SLC6A2: variants seen among roughly 807,000 people sequenced by gnomAD.
SLC6A2 encodes solute carrier family 6 member 2.
SLC6A2 carries 26 observed loss-of-function variants against 71.7 expected under a neutral mutation model. The ratio of observed to expected loss-of-function variants is 0.36; its 90% CI spans 0.27 to 0.50. SLC6A2 has a LOEUF of 0.50. SLC6A2 is among the 20% of genes least tolerant of loss of function. The probability of loss-of-function intolerance (pLI) is 0.96; values close to 1 mark genes in which losing one functional copy is unlikely to be tolerated. For synonymous variants in SLC6A2, 363 were observed against 337.9 expected (o/e 1.07, Z -0.82); for missense variants, 581 against 803.9 (o/e 0.72, Z 3.35).
In SLC6A2 at chr16:55,656,562, T is replaced by C. The variant is rs1482503796; in HGVS notation, c.-51-82T>C. On this transcript the variant is annotated intron_variant, in intron 1 of 14. Coordinates refer to ENST00000568943, the MANE Select transcript of SLC6A2 (RefSeq NM_001172501.3). This position sits in a 1 kb window ranked among gnomAD's most constrained non-coding sequence, Gnocchi z 4.5. ...CTCAGCGCGCGCTCATCCCAGTGTC[T>C]AAGGCGCTCCCGGGTGGTCTTGGGA... 1.7e-6 allele frequency: 2 copies of C among 1,159,292 alleles called. No homozygotes were observed. The highest frequency in any genetic ancestry group is 3.4e-5 in the Admixed American group (2 of 58,984). The allele number at this position is 1,159,292 out of a possible 1,614,324, so 71.8% of individuals were successfully genotyped here.
chr16:55,665,003 G>A (rs1367033637), intron 2 of SLC6A2, among the ~76,000 whole-genome samples: 1 of 152,178 alleles, frequency 6.6e-6, no homozygotes, highest in Non-Finnish European at 1.5e-5. Flanking sequence ...CCTCTTTTGT[G>A]GTGTGGGCTG....
intron 2 of SLC6A2, among the ~76,000 whole-genome samples, chr16:55,665,200 A>G (rs2142497565): frequency 6.6e-6 from 1 of 152,374 alleles, no homozygotes; most frequent in Non-Finnish European, 1.5e-5. Flanking sequence ...ACTTTATAAT[A>G]GAACTACTAC....
chr16:55,691,877 G>T (rs1965640743), intron 5 of SLC6A2, 41 bp from the exon 6 acceptor site: 1 of 1,612,720 alleles, frequency 6.2e-7, no homozygotes, highest in Non-Finnish European at 8.5e-7. Flanking sequence ...ACGGGATTGG[G>T]GCCAGAGCGA....
In SLC6A2 at chr16:55,672,108, G is replaced by A; in HGVS notation, c.577G>A (p.Gly193Ser). 1 of 1,614,154 alleles carries A rather than the reference G, an allele frequency of 6.2e-7. No homozygotes were observed. The highest frequency in any genetic ancestry group is 1.3e-5 in the African/African-American group (1 of 75,030). ...CTGTACCGACCCCAAGCTCCTCAAT[G>A]GCTCCGTGCTTGGCAACCACACCAA... ...PNCTDPKLLN[G>S]SVLGNHTKYS... Residue 193 changes from glycine to serine, a missense_variant, in exon 4 of 15, where the codon GGC (glycine) becomes AGC (serine). This residue lies in a region of SLC6A2 where 87 missense variants were observed against 99.5 expected (regional missense o/e 0.87). Transcript: ENST00000568943.
At chr16:55,690,030 C>T (rs11862589) in intron 5 of SLC6A2, among the ~76,000 whole-genome samples, 72,153 of 152,018 alleles carry the variant, frequency 0.47, 17,334 homozygotes, top group East Asian at 0.7. Flanking sequence ...ACTAACTTTC[C>T]GATTTATCAC....
At chr16:55,661,923 CT>C (rs1964621031) in intron 2 of SLC6A2, among the ~76,000 whole-genome samples, 1 of 152,220 alleles carries the variant, frequency 6.6e-6, no homozygotes, top group African/African-American at 2.4e-5. Flanking sequence ...GCAGTAGCTG[CT>C]ACAGAGGTCA....
intron 4 of SLC6A2, among the ~76,000 whole-genome samples, chr16:55,681,373 G>C (rs1017347147): frequency 6.6e-6 from 1 of 152,184 alleles, no homozygotes; most frequent in African/African-American, 2.4e-5. Context: ...CCAGCCCCCG[G>C]CACACTGCCT....
In SLC6A2 at chr16:55,674,338, AC is replaced by A. The variant is rs567128053; in HGVS notation, c.644+2164del. Reference sequence around the variant, plus strand: ...TTACTTAGGATAATGGCCTCCAGCTACATCCATGTCCCTGCAAAGGACATGA... The same window carrying A: ...TTACTTAGGATAATGGCCTCCAGCTAATCCATGTCCCTGCAAAGGACATGA... On this transcript the variant is annotated intron_variant, in intron 4 of 14. Coordinates refer to ENST00000568943, the MANE Select transcript of SLC6A2 (RefSeq NM_001172501.3). Among the ~76,000 whole-genome samples, 312 of 152,268 alleles carry A rather than the reference AC, an allele frequency of 2.0e-3. 1 individual carries two copies. The highest frequency in any genetic ancestry group is 7.3e-3 in the African/African-American group (305 of 41,552).
chr16:55,696,045 G>T (rs889916727), intron 8 of SLC6A2, among the ~76,000 whole-genome samples, 180 bp from the exon 9 acceptor site: 2 of 152,200 alleles, frequency 1.3e-5, no homozygotes, highest in Non-Finnish European at 2.9e-5. Context: ...GCTGTTGGGG[G>T]TCAACCTCTC....
Position 55,705,124 on chromosome 16 carries a change from TC to T in SLC6A2, c.*2779del. On this transcript the variant is annotated 3_prime_UTR_variant, in exon 15 of 15. Coordinates refer to ENST00000568943, the MANE Select transcript of SLC6A2 (RefSeq NM_001172501.3). Reference sequence around the variant, plus strand: ...CAGGTTTTTAAAGAATTATTATTTTTCATGAAATGTAAAATATCAGTTTGAG... The same window carrying T: ...CAGGTTTTTAAAGAATTATTATTTTTATGAAATGTAAAATATCAGTTTGAG... The T allele has an allele frequency of 1.0e-6, 1 of 997,990 alleles. No homozygotes were observed. Among genetic ancestry groups the T allele is most frequent in the Non-Finnish European group, 1.5e-6 (1 of 659,598 alleles). 61.8% of individuals were successfully genotyped at this position (997,990 alleles called of 1,614,324 possible).
Position 55,692,155 on chromosome 16 carries a change from A to G in SLC6A2, c.918+103A>G, listed in dbSNP as rs1400224974. The stretch of plus-strand genomic sequence containing the variant: ...GGTCCCAGCTCTGCCACAAATGTGC[A>G]GTGTAGCCTTGGACAGGATCCTTCC... On this transcript the variant is annotated intron_variant, in intron 6 of 14. Transcript: ENST00000568943. 7 of 1,349,670 alleles carry G rather than the reference A, an allele frequency of 5.2e-6. No individual in the cohort carries two copies. The African/African-American group carries it at 1.0e-4, about 19-fold the overall frequency. The allele number at this position is 1,349,670 out of a possible 1,614,324, so 83.6% of individuals were successfully genotyped here.
chr16:55,675,095 T>C (rs554272345), intron 4 of SLC6A2, among the ~76,000 whole-genome samples: 34 of 152,334 alleles, frequency 2.2e-4, no homozygotes, highest in Non-Finnish European at 3.8e-4. Flanking sequence ...GTGGCTTCCC[T>C]GAATCCTCTC....
intron 6 of SLC6A2, among the ~76,000 whole-genome samples, chr16:55,693,743 G>A (rs1012272615): frequency 1.3e-5 from 2 of 152,128 alleles, no homozygotes; most frequent in African/African-American, 2.4e-5. Context: ...TGAAAATCAG[G>A]GCATGAAATT....
intron 4 of SLC6A2, among the ~76,000 whole-genome samples, chr16:55,674,518 A>G (rs1965022429): frequency 6.6e-6 from 1 of 151,452 alleles, no homozygotes; most frequent in African/African-American, 2.4e-5. Flanking sequence ...TCTGTGTCCC[A>G]GGTTCAAGTG....
Position 55,669,711 on chromosome 16 carries a change from G to A in SLC6A2, c.406+15G>A. 1 of 1,614,060 alleles carries A rather than the reference G, an allele frequency of 6.2e-7. No homozygotes were observed. Among genetic ancestry groups the A allele is most frequent in the South Asian group, 1.1e-5 (1 of 91,080 alleles). On this transcript the variant is annotated intron_variant, in intron 3 of 14. Transcript: ENST00000568943. ...ATTCTTCAAAGGTAAAGAAGGGGTG[G>A]GAGAAAGTCACGGTTGTTCATAAAG...
intron 5 of SLC6A2, 61 bp downstream of exon 5, chr16:55,685,342 T>G: frequency 6.5e-7 from 1 of 1,542,892 alleles, no homozygotes; most frequent in Non-Finnish European, 9.0e-7. Context: ...GGTGTGATTA[T>G]TTCTAGCAAT....
At chr16:55,687,355 T>A (rs1288645204) in intron 5 of SLC6A2, among the ~76,000 whole-genome samples, 1 of 152,194 alleles carries the variant, frequency 6.6e-6, no homozygotes, top group Non-Finnish European at 1.5e-5. Context: ...TGAGTTGTGG[T>A]CAAAAAGTGT....
At chr16:55,658,990 G>A (rs1345041003) in intron 2 of SLC6A2, among the ~76,000 whole-genome samples, 1 of 152,184 alleles carries the variant, frequency 6.6e-6, no homozygotes, top group African/African-American at 2.4e-5. Flanking sequence ...TAAGAGGCAG[G>A]GAGATGATGA....
intron 2 of SLC6A2, among the ~76,000 whole-genome samples, chr16:55,668,002 G>A (rs1964801357): frequency 6.6e-6 from 1 of 152,200 alleles, no homozygotes. Context: ...GAGGGTTTCT[G>A]GGTAGTGTAA....
Sources: gnomAD v4.1 joint callset for allele counts (sites outside exome capture counted in the v4.1 genomes callset) on GRCh38, gnomAD v4.1.1 for gene constraint, gnomAD v4.1.1 regional missense constraint, Gnocchi (gnomAD v3.1) non-coding constraint, MANE v1.5 for transcripts, NCBI Gene and HGNC (gene_info 2026-07-23, HGNC 2026-07-21) for gene names.